The following ADRA1B variants were observed in gnomAD, a reference collection of about 807,000 sequenced individuals.
ADRA1B encodes the protein adrenoceptor alpha 1B, also known as alpha-1B adrenergic receptor.
A neutral mutation model predicts 17.9 loss-of-function variants in ADRA1B; 17 were observed. The observed-to-expected ratio is 0.95, with a 90% confidence interval of 0.65 to 1.42. ADRA1B has a LOEUF of 1.42. ADRA1B is among the 40% of genes most tolerant of loss of function. ADRA1B has a pLI of 0.00. For synonymous variants in ADRA1B, 366 were observed against 327.6 expected (o/e 1.12, Z -1.27); for missense variants, 681 against 722.1 (o/e 0.94, Z 0.65).
At chr5:159,900,753 C>T (rs1019467558) in intron 1 of ADRA1B, among the ~76,000 whole-genome samples, 1 of 152,230 alleles carries the variant, frequency 6.6e-6, no homozygotes, top group Non-Finnish European at 1.5e-5. Flanking sequence ...GTGGGCAGCC[C>T]CCCAGCCATG....
intron 1 of ADRA1B, among the ~76,000 whole-genome samples, chr5:159,926,877 ACT>A (rs762059418): frequency 6.6e-6 from 1 of 152,028 alleles, no homozygotes; most frequent in Non-Finnish European, 1.5e-5. Context: ...ACAGAGCAAA[ACT>A]CTGTCTCAAA....
Position 159,931,068 on chromosome 5 carries a change from G to A in ADRA1B, c.949+13214G>A, listed in dbSNP as rs893544714. Among the ~76,000 whole-genome samples the A allele has an allele frequency of 2.0e-5, 3 of 147,906 alleles. No individual in the cohort carries two copies. The South Asian group carries it at 6.4e-4, about 31-fold the overall frequency. The stretch of plus-strand genomic sequence containing the variant: ...ATATTTAATATATCTCCCGCTCTGT[G>A]ATTACCAGCCCCGGAACACTTAGAA... On this transcript the variant is annotated intron_variant, in intron 1 of 1. Transcript: ENST00000306675.
chr5:159,925,829 T>C (rs1289762595), intron 1 of ADRA1B, among the ~76,000 whole-genome samples: 4 of 152,238 alleles, frequency 2.6e-5, no homozygotes, highest in African/African-American at 7.2e-5. Context: ...AATATTTAAA[T>C]AAGGGGAATA....
rs538469495 is a variant in ADRA1B at position 159,904,470 on chromosome 5, T to G, written c.-255-11649T>G. On this transcript the variant is annotated intron_variant, in intron 1 of 2. Coordinates refer to the ADRA1B transcript ENST00000641205. ...AATCCTGAATGCAAATGGGTACATT[T>G]GTGGAACTGAAAAAGTTTCCTCACA... Among the ~76,000 whole-genome samples the G allele has an allele frequency of 2.0e-5, 3 of 152,346 alleles. No individual in the cohort carries two copies. The South Asian group carries it at 6.2e-4, about 32-fold the overall frequency.
intron 1 of ADRA1B, among the ~76,000 whole-genome samples, chr5:159,963,718 T>A (rs1352105499): frequency 1.3e-5 from 2 of 152,192 alleles, no homozygotes; most frequent in Non-Finnish European, 2.9e-5. Context: ...TTTTGATGAG[T>A]GGCCCTCAGG....
intron 1 of ADRA1B, among the ~76,000 whole-genome samples, chr5:159,879,750 C>T (rs866202920): frequency 6.6e-6 from 1 of 152,132 alleles, no homozygotes. Context: ...AATCCCAGCA[C>T]TTTGGGAGGC....
chr5:159,881,614 T>A (rs536292173), intron 1 of ADRA1B, among the ~76,000 whole-genome samples: 57 of 152,272 alleles, frequency 3.7e-4, no homozygotes, highest in African/African-American at 1.3e-3. Flanking sequence ...TGGGGAGGAA[T>A]CTACTGGTAC....
chr5:159,869,091 T>C (rs1169442992), intron 1 of ADRA1B: 1 of 152,188 alleles, frequency 6.6e-6, no homozygotes, highest in East Asian at 1.9e-4. Context: ...CGGGCACACA[T>C]ACATATTTTG....
chr5:159,900,039 T>C (rs1320915968), intron 1 of ADRA1B, among the ~76,000 whole-genome samples: 1 of 152,206 alleles, frequency 6.6e-6, no homozygotes, highest in Non-Finnish European at 1.5e-5. Flanking sequence ...ATCAACACAG[T>C]AATTCTCATA....
intron 1 of ADRA1B, among the ~76,000 whole-genome samples, chr5:159,877,021 T>G (rs1024990195): frequency 1.3e-5 from 2 of 152,238 alleles, no homozygotes; most frequent in South Asian, 4.1e-4. Context: ...GGAGTTGCCT[T>G]TGAGAGCAGT....
intron 1 of ADRA1B, among the ~76,000 whole-genome samples, chr5:159,893,176 G>A (rs78877387): frequency 0.025 from 3,285 of 131,406 alleles, 118 homozygotes; most frequent in African/African-American, 0.09. Flanking sequence ...AGCAGATGCT[G>A]TTAGAACTGG....
intron 1 of ADRA1B, among the ~76,000 whole-genome samples, chr5:159,971,044 C>T (rs1389459633): frequency 6.6e-6 from 1 of 152,240 alleles, no homozygotes; most frequent in Non-Finnish European, 1.5e-5. Flanking sequence ...TCAAGTGATC[C>T]TCCTGCCTTG....
chr5:159,866,880 G>T (rs1009177195), intron 1 of ADRA1B: 1 of 152,196 alleles, frequency 6.6e-6, no homozygotes, highest in African/African-American at 2.4e-5. Flanking sequence ...ACAAACTGCG[G>T]TTCTGATATT....
At chr5:159,975,973 A>G (rs1423239099), downstream of ADRA1B, among the ~76,000 whole-genome samples, 3 of 152,222 alleles carry the variant, frequency 2.0e-5, no homozygotes, top group Non-Finnish European at 4.4e-5. Flanking sequence ...CAAGTGGAAT[A>G]CTAGTTAATT....
At chr5:159,877,423 G>T (rs1271659161) in intron 1 of ADRA1B, among the ~76,000 whole-genome samples, 2 of 152,060 alleles carry the variant, frequency 1.3e-5, no homozygotes, top group East Asian at 3.9e-4. Context: ...CCCAATCTTT[G>T]GGTGCAACAG....
chr5:159,917,385 G>A lies in ADRA1B; in HGVS notation c.480G>A (p.Arg160=). ...AGTATCCCACGCTGGTCACCCGGAG[G>A]AAGGCCATCTTGGCGCTGCTCAGTG... ...SLQYPTLVTR[R]KAILALLSVW... The change falls in exon 1 of 2, where the codon AGG becomes AGA. Residue 160 remains arginine (R), a synonymous_variant. Transcript: ENST00000306675. 1 of 1,614,142 alleles carries A rather than the reference G, an allele frequency of 6.2e-7. No homozygotes were observed. Among genetic ancestry groups the A allele is most frequent in the Middle Eastern group, 1.6e-4 (1 of 6,062 alleles).
At chr5:159,921,155 G>A (rs745403584) in intron 1 of ADRA1B, among the ~76,000 whole-genome samples, 3 of 152,098 alleles carry the variant, frequency 2.0e-5, no homozygotes, top group Non-Finnish European at 4.4e-5. Context: ...TGCAGAGCAG[G>A]GCCTCTTGTC....
chr5:159,898,660 A>C (rs768292637), intron 1 of ADRA1B, among the ~76,000 whole-genome samples: 3 of 152,262 alleles, frequency 2.0e-5, no homozygotes, highest in Non-Finnish European at 4.4e-5. Flanking sequence ...TAATCCTTAA[A>C]GCATCCTATA....
At chr5:159,971,815 C>T (rs1755870776) in intron 1 of ADRA1B, 64 bp from the exon 2 acceptor site, 3 of 1,305,324 alleles carry the variant, frequency 2.3e-6, no homozygotes, top group Admixed American at 3.1e-5. Context: ...CATATTGGGG[C>T]GAGAGCTTGA....
Sources: allele counts gnomAD v4.1 joint callset (sites outside exome capture counted in the v4.1 genomes callset), GRCh38; gene constraint gnomAD v4.1.1; transcripts MANE v1.5; gene names NCBI Gene and HGNC (gene_info 2026-07-23, HGNC 2026-07-21).